The following BST1 variants were observed in gnomAD, a reference collection of about 807,000 sequenced individuals.
The protein encoded by BST1 is ADP-ribosyl cyclase/cyclic ADP-ribose hydrolase 2.
BST1 carries 49 observed loss-of-function variants against 40.6 expected under a neutral mutation model. That is an observed-to-expected ratio of 1.21 (90% CI 0.96 to 1.53). The LOEUF (loss-of-function observed/expected upper bound fraction) is 1.53, where lower values mean the gene tolerates loss of function less well. Ranked by LOEUF, BST1 falls within the 40% of genes most tolerant of loss-of-function variation. The pLI, the probability that BST1 is intolerant of heterozygous loss-of-function variation, is 0.00. For synonymous variants in BST1, 157 were observed against 159.3 expected (o/e 0.99, Z 0.11); for missense variants, 423 against 395.9 (o/e 1.07, Z -0.58).
intron 3 of BST1, among the ~76,000 whole-genome samples, chr4:15,709,432 A>G (rs937611008): frequency 6.6e-6 from 1 of 152,232 alleles, no homozygotes; most frequent in African/African-American, 2.4e-5. Context: ...TCTGCTTTTC[A>G]CTGTGAGTGA....
intron 8 of BST1, among the ~76,000 whole-genome samples, chr4:15,728,207 T>C (rs547833264): frequency 2.0e-5 from 3 of 152,152 alleles, no homozygotes; most frequent in African/African-American, 4.8e-5. Context: ...TACTCATCTC[T>C]ACTTGTTTAG....
At chr4:15,719,020 C>T (rs374266490) in intron 7 of BST1, 27 bp downstream of exon 7, 2 of 1,594,754 alleles carry the variant, frequency 1.3e-6, no homozygotes, top group African/African-American at 2.7e-5. Context: ...TCAATGTGCT[C>T]TTGTAGAGGT....
rs967573452 is a variant in BST1 at position 15,703,191 on chromosome 4, T to C, written c.47T>C (p.Leu16Pro). 2.6e-6 allele frequency: 4 copies of C among 1,557,502 alleles called. No homozygotes were observed. The African/African-American group carries it at 5.5e-5, about 21-fold the overall frequency. Residue 16 changes from leucine to proline, a missense_variant, in exon 1 of 9, where the codon CTG (leucine) becomes CCG (proline). By Grantham distance (98) the Leu-to-Pro change is moderately conservative (BLOSUM62 -3). Transcript: ENST00000265016. The part of the protein sequence containing the change: ...CAASRLLQLL[L>P]QLLLLLLLLA... Reference sequence around the variant, plus strand: ...GCATCGCGGCTGCTCCAGCTGCTGCTGCAGCTTCTGCTTCTACTGTTGCTG... The same window carrying C: ...GCATCGCGGCTGCTCCAGCTGCTGCCGCAGCTTCTGCTTCTACTGTTGCTG...
intron 6 of BST1, among the ~76,000 whole-genome samples, chr4:15,717,426 GTGT>G (rs1275963278): frequency 6.6e-6 from 1 of 152,138 alleles, no homozygotes; most frequent in Non-Finnish European, 1.5e-5. Flanking sequence ...ACAGCTGGTG[GTGT>G]TGTGTATCTA....
intron 8 of BST1, among the ~76,000 whole-genome samples, chr4:15,728,204 C>T (rs1721207687): frequency 6.6e-6 from 1 of 152,098 alleles, no homozygotes; most frequent in East Asian, 1.9e-4. Flanking sequence ...GACTACTCAT[C>T]TCTACTTGTT....
At chr4:15,717,498 A>T (rs1438808226) in intron 6 of BST1, among the ~76,000 whole-genome samples, 1 of 152,212 alleles carries the variant, frequency 6.6e-6, no homozygotes, top group Non-Finnish European at 1.5e-5. Context: ...GAAAGTGGGC[A>T]AGAATCACTG....
At chr4:15,737,212 C>T (rs962333747), downstream of BST1, among the ~76,000 whole-genome samples, 1 of 152,198 alleles carries the variant, frequency 6.6e-6, no homozygotes, top group African/African-American at 2.4e-5. Context: ...GTTATTGTTA[C>T]TACTACTAGA....
chr4:15,762,017 C>A, the BST1 span, among the ~76,000 whole-genome samples: 1 of 151,354 alleles, frequency 6.6e-6, no homozygotes, highest in Non-Finnish European at 1.5e-5. Flanking sequence ...GCTGAAACCC[C>A]GTCTCTACTA....
chr4:15,736,264 T>A (rs1290539469), downstream of BST1: 4 of 454,146 alleles, frequency 8.8e-6, no homozygotes. Flanking sequence ...TGCATCGTCC[T>A]CTTGCTCAAA....
At chr4:15,742,522 T>C (rs1721771225), downstream of BST1, among the ~76,000 whole-genome samples, 1 of 152,234 alleles carries the variant, frequency 6.6e-6, no homozygotes, top group Non-Finnish European at 1.5e-5. Flanking sequence ...TTAAGCCAAA[T>C]AAACCTCTTT....
chr4:15,727,117 T>C (rs922002238), intron 8 of BST1, among the ~76,000 whole-genome samples: 1 of 152,172 alleles, frequency 6.6e-6, no homozygotes, highest in Non-Finnish European at 1.5e-5. Context: ...TTGTCATCAA[T>C]GATGCTGAGG....
intron 2 of BST1, among the ~76,000 whole-genome samples, chr4:15,707,002 A>G (rs1266139429): frequency 6.6e-6 from 1 of 152,222 alleles, no homozygotes; most frequent in Non-Finnish European, 1.5e-5. Flanking sequence ...ACTATGGTGG[A>G]AACTATAAAG....
At chr4:15,741,073 GT>G (rs949029976), downstream of BST1, among the ~76,000 whole-genome samples, 1 of 151,002 alleles carries the variant, frequency 6.6e-6, no homozygotes, top group Non-Finnish European at 1.5e-5. Flanking sequence ...AGCAGTGACA[GT>G]TTTTTTGGTA....
At chr4:15,731,180 C>T in intron 8 of BST1, 1 of 426,986 alleles carries the variant, frequency 2.3e-6, no homozygotes, top group South Asian at 2.3e-5. Context: ...GACTTCATCT[C>T]ATCCACTTTG....
Position 15,722,913 on chromosome 4 carries a change from A to G in BST1, c.830A>G (p.His277Arg). Residue 277 changes from histidine to arginine, a missense_variant, in exon 8 of 9, where the codon CAT becomes CGT. His to Arg is a conservative substitution (Grantham distance 29). Coordinates refer to ENST00000265016, the MANE Select transcript of BST1 (RefSeq NM_004334.3). ...KLLQCVDHST[H>R]PDCALKSAAA... is the part of the protein sequence containing the mutation. Reference sequence around the variant, plus strand: ...TTACAGTGCGTGGACCACAGCACCCATCCTGACTGTGCCTTAAAGTCGTAA... The same window carrying G: ...TTACAGTGCGTGGACCACAGCACCCGTCCTGACTGTGCCTTAAAGTCGTAA... 1.9e-6 allele frequency: 3 copies of G among 1,613,864 alleles called. No homozygotes were observed. Among genetic ancestry groups the G allele is most frequent in the Non-Finnish European group, 2.5e-6 (3 of 1,179,802 alleles).
chr4:15,724,704 A>AAGAG lies in BST1; in HGVS notation c.851+1788_851+1791dup, dbSNP rs57896911. 2.6e-3 allele frequency among the ~76,000 whole-genome samples: 385 copies of AAGAG among 150,564 alleles called. 5 individuals carry two copies. In the East Asian group the frequency reaches 0.05, roughly 20 times the overall value. ...TCCATCTCAAAAAATAAAATAAAATAAGAGAGAGAGAGAGAGAGAGAAAGA... is the reference window on the plus strand; with the variant it reads ...TCCATCTCAAAAAATAAAATAAAATAAGAGAGAGAGAGAGAGAGAGAGAGAAAGA... On this transcript the variant is annotated intron_variant, in intron 8 of 8. Coordinates refer to ENST00000265016, the MANE Select transcript of BST1 (RefSeq NM_004334.3).
chr4:15,709,999 G>A (rs1003346646), intron 3 of BST1, among the ~76,000 whole-genome samples: 4 of 151,602 alleles, frequency 2.6e-5, no homozygotes, highest in Admixed American at 6.6e-5. Flanking sequence ...TTGAGGCAGC[G>A]TCTCACTCTG....
chr4:15,757,806 T>G, the BST1 span, among the ~76,000 whole-genome samples: 1 of 152,094 alleles, frequency 6.6e-6, no homozygotes, highest in Non-Finnish European at 1.5e-5. Flanking sequence ...CACACCTAGC[T>G]AATTTTTGTA....
exon 7 of BST1, chr4:15,738,245 A>T (rs1721640590): frequency 6.5e-6 from 1 of 153,540 alleles, no homozygotes; most frequent in South Asian, 2.0e-4. Context: ...GAAGCTCTGT[A>T]CTTTCTGCTC....
Sources: allele counts gnomAD v4.1 joint callset (sites outside exome capture counted in the v4.1 genomes callset), GRCh38; gene constraint gnomAD v4.1.1; transcripts MANE v1.5; gene names NCBI Gene and HGNC (gene_info 2026-07-23, HGNC 2026-07-21).